ITGA6: variants seen among roughly 807,000 people sequenced by gnomAD.
ITGA6 encodes integrin alpha-6.
A neutral mutation model predicts 133.6 loss-of-function variants in ITGA6; 63 were observed. That is an observed-to-expected ratio of 0.47 (90% confidence interval 0.38 to 0.58). The LOEUF is 0.58. Ranked by LOEUF, ITGA6 falls within the 20% of genes least tolerant of loss-of-function variation. The pLI is 0.00. For synonymous variants in ITGA6, 434 were observed against 482.0 expected, an observed-to-expected ratio of 0.90 and a Z score of 1.30; for missense variants, 1,068 against 1,309.4, an observed-to-expected ratio of 0.82 and a Z score of 2.85.
intron 1 of ITGA6, among the ~76,000 whole-genome samples, chr2:172,461,647 G>A (rs1685430496): frequency 6.6e-6 from 1 of 152,208 alleles, no homozygotes; most frequent in African/African-American, 2.4e-5. Flanking sequence ...TCCTGGTAGT[G>A]CCCAGAGAGT....
intron 4 of ITGA6, among the ~76,000 whole-genome samples, 181 bp from the exon 5 acceptor site, chr2:172,470,793 C>T (rs1182163371): frequency 3.9e-5 from 6 of 152,124 alleles, no homozygotes; most frequent in African/African-American, 9.7e-5. Flanking sequence ...AAATTTCTTT[C>T]CCATAAAAAT....
chr2:172,437,840 G>A (rs867448244), intron 1 of ITGA6, among the ~76,000 whole-genome samples: 21 of 148,712 alleles, frequency 1.4e-4, no homozygotes, highest in African/African-American at 4.8e-4. Context: ...GGCAGGAGGA[G>A]AGGGAGGGAG....
chr2:172,466,158 T>C (rs1300720050), intron 2 of ITGA6: 3 of 213,514 alleles, frequency 1.4e-5, no homozygotes, highest in South Asian at 6.9e-5. Context: ...AGGTAGAAGA[T>C]ACCATGAGGT....
chr2:172,459,962 A>C (rs1353394125), intron 1 of ITGA6, among the ~76,000 whole-genome samples: 3 of 152,234 alleles, frequency 2.0e-5, no homozygotes, highest in Non-Finnish European at 1.5e-5. Context: ...GCTTGGATAA[A>C]GGTGAACAAT....
chr2:172,474,220 CTTCA>C lies in ITGA6; in HGVS notation c.944_947del (p.Ser315LeufsTer18), dbSNP rs1427991221. 1 of 1,614,108 alleles carries C rather than the reference CTTCA, an allele frequency of 6.2e-7. No homozygotes were observed. The highest frequency in any genetic ancestry group is 8.5e-7 in the Non-Finnish European group (1 of 1,180,044). On this transcript the variant is annotated frameshift_variant, in exon 6 of 26. Coordinates refer to ENST00000684293, the MANE Select transcript of ITGA6 (RefSeq NM_000210.4). LOFTEE classifies it high-confidence loss of function. ...ATATTCGATGGAGAAGGTCTGGCCT[CTTCA>C]TTTGGCTATGATGTGGCGGTGGTGG...
At chr2:172,453,959 G>A (rs977694313) in intron 1 of ITGA6, among the ~76,000 whole-genome samples, 7 of 152,170 alleles carry the variant, frequency 4.6e-5, no homozygotes, top group African/African-American at 1.7e-4. Context: ...AGGACAGTGA[G>A]CAAATGGTCT....
intron 1 of ITGA6, among the ~76,000 whole-genome samples, chr2:172,454,730 C>T (rs1224581176): frequency 6.6e-6 from 1 of 152,106 alleles, no homozygotes; most frequent in Non-Finnish European, 1.5e-5. Flanking sequence ...AAGGAATCAA[C>T]GTTGCTTATC....
intron 1 of ITGA6, among the ~76,000 whole-genome samples, chr2:172,435,207 T>A (rs1483576161): frequency 6.6e-6 from 1 of 152,172 alleles, no homozygotes; most frequent in Non-Finnish European, 1.5e-5. Flanking sequence ...AGCATTGTGA[T>A]GTAAAGTTAA....
chr2:172,490,669 T>G, intron 20 of ITGA6: 1 of 288,446 alleles, frequency 3.5e-6, no homozygotes, highest in Non-Finnish European at 6.7e-6. Flanking sequence ...ACTACCATGT[T>G]TTAGGAACAG....
chr2:172,491,401 A>C lies in ITGA6; in HGVS notation c.2890-24A>C. ...TGCCTAGGACACTTTTCACTTCCCTAATGCATTCACTGTCTCCAAACAGGA... is the reference window on the plus strand; with the variant it reads ...TGCCTAGGACACTTTTCACTTCCCTCATGCATTCACTGTCTCCAAACAGGA... On this transcript the variant is annotated intron_variant, in intron 22 of 25. Transcript: ENST00000684293. The surrounding 1 kb of genome is among the most constrained non-coding windows in gnomAD (Gnocchi z 4.4). The C allele has an allele frequency of 6.3e-7, 1 of 1,588,714 alleles. No homozygotes were observed. The highest frequency in any genetic ancestry group is 1.1e-5 in the South Asian group (1 of 90,568).
chr2:172,427,508 A>G, upstream of ITGA6: 2 of 909,652 alleles, frequency 2.2e-6, no homozygotes, highest in Non-Finnish European at 2.7e-6. Flanking sequence ...CGGGCGCGCA[A>G]GGAGGGGCGA....
At chr2:172,497,042 TTA>T (rs1687154571) in intron 23 of ITGA6, among the ~76,000 whole-genome samples, 1 of 152,204 alleles carries the variant, frequency 6.6e-6, no homozygotes, top group African/African-American at 2.4e-5. Context: ...ATGTTATTGT[TTA>T]TGAGGGTCTT....
At chr2:172,429,489 C>G (rs1022944656) in intron 1 of ITGA6, among the ~76,000 whole-genome samples, 1 of 152,162 alleles carries the variant, frequency 6.6e-6, no homozygotes, top group East Asian at 1.9e-4. Flanking sequence ...CCCACTGAAA[C>G]CGGTGGCTTC....
intron 1 of ITGA6, among the ~76,000 whole-genome samples, chr2:172,454,384 A>T (rs16860426): frequency 0.052 from 7,976 of 152,142 alleles, 370 homozygotes; most frequent in East Asian, 0.26. Context: ...AGGATGCCTG[A>T]AGGAGAGAAG....
intron 5 of ITGA6, among the ~76,000 whole-genome samples, chr2:172,472,594 A>T (rs1158715499): frequency 6.6e-6 from 1 of 152,220 alleles, no homozygotes; most frequent in African/African-American, 2.4e-5. Context: ...TCACTTCAAA[A>T]GATCAGAGGG....
intron 3 of ITGA6, among the ~76,000 whole-genome samples, chr2:172,468,337 A>T (rs986544327): frequency 1.3e-5 from 2 of 152,214 alleles, no homozygotes; most frequent in Admixed American, 6.5e-5. Context: ...TCCTGGTTGG[A>T]ATATGATCTT....
intron 1 of ITGA6, among the ~76,000 whole-genome samples, chr2:172,456,810 A>T (rs546463869): frequency 6.6e-6 from 1 of 152,324 alleles, no homozygotes; most frequent in East Asian, 1.9e-4. Flanking sequence ...TTTTACCCCA[A>T]AATTATTCTC....
intron 11 of ITGA6, among the ~76,000 whole-genome samples, chr2:172,481,680 C>A (rs919664497): frequency 1.3e-5 from 2 of 152,126 alleles, no homozygotes; most frequent in African/African-American, 4.8e-5. Context: ...CTCCATGGGA[C>A]CTGCAGACCT....
chr2:172,452,990 TTAA>T (rs966642273), intron 1 of ITGA6, among the ~76,000 whole-genome samples: 5 of 152,156 alleles, frequency 3.3e-5, no homozygotes, highest in Non-Finnish European at 7.3e-5. Flanking sequence ...ACTGCCTCCT[TTAA>T]TAAGTCTAGT....
Sources: allele counts gnomAD v4.1 joint callset (sites outside exome capture counted in the v4.1 genomes callset), GRCh38; gene constraint gnomAD v4.1.1; non-coding constraint Gnocchi (gnomAD v3.1); transcripts MANE v1.5; gene names NCBI Gene and HGNC (gene_info 2026-07-23, HGNC 2026-07-21).